CDH12: variants seen among roughly 807,000 people sequenced by gnomAD.
CDH12 encodes cadherin-12.
In CDH12, 41 loss-of-function variants were observed where a neutral mutation model predicts 74.1. The observed-to-expected ratio is 0.55, with a 90% CI of 0.43 to 0.72. The LOEUF (loss-of-function observed/expected upper bound fraction) is 0.72. CDH12 is among the 30% of genes least tolerant of loss of function. The pLI, the probability that CDH12 is intolerant of heterozygous loss-of-function variation, is 0.00. For synonymous variants in CDH12, 399 were observed against 355.0 expected (o/e 1.12, Z -1.39); for missense variants, 945 against 977.2 (o/e 0.97, Z 0.44).
intron 1 of CDH12, among the ~76,000 whole-genome samples, chr5:22,518,665 C>T (rs1010049485): frequency 1.3e-5 from 2 of 152,184 alleles, no homozygotes; most frequent in African/African-American, 4.8e-5. Context: ...GAATTCTTAG[C>T]ATGTAATATT....
intron 3 of CDH12, among the ~76,000 whole-genome samples, chr5:22,362,470 T>C (rs1198131564): frequency 6.6e-6 from 1 of 152,172 alleles, no homozygotes; most frequent in African/African-American, 2.4e-5. Flanking sequence ...GGAACACTTT[T>C]ACACTGTTGG....
At chr5:21,880,290 A>G (rs1752172103) in intron 6 of CDH12, among the ~76,000 whole-genome samples, 1 of 152,174 alleles carries the variant, frequency 6.6e-6, no homozygotes, top group African/African-American at 2.4e-5. Context: ...TGTTGCTATC[A>G]GTGTTATCTT....
At chr5:21,821,675 G>A (rs115585424) in intron 8 of CDH12, among the ~76,000 whole-genome samples, 3,204 of 151,940 alleles carry the variant, frequency 0.021, 56 homozygotes, top group Admixed American at 0.029. Context: ...TGATGAAAAT[G>A]TTAAACATTT....
At chr5:21,805,164 G>C (rs562638862) in intron 9 of CDH12, among the ~76,000 whole-genome samples, 2 of 151,970 alleles carry the variant, frequency 1.3e-5, no homozygotes, top group African/African-American at 4.8e-5. Context: ...GAATGTAAAC[G>C]TTTGTACCAA....
chr5:22,535,143 CTTTT>C (rs767048116), intron 1 of CDH12, among the ~76,000 whole-genome samples: 1 of 69,214 alleles, frequency 1.4e-5, no homozygotes, highest in Non-Finnish European at 2.9e-5. Flanking sequence ...GGCTAATTTT[CTTTT>C]TTTTTTTTTT....
chr5:22,249,151 A>G (rs542979012), intron 3 of CDH12, among the ~76,000 whole-genome samples: 10 of 152,316 alleles, frequency 6.6e-5, no homozygotes, highest in African/African-American at 2.4e-4. Flanking sequence ...TGAGAAAAAA[A>G]TGACAAAAGT....
At chr5:22,259,476 T>G (rs1376721753) in intron 3 of CDH12, among the ~76,000 whole-genome samples, 11 of 152,162 alleles carry the variant, frequency 7.2e-5, no homozygotes, top group Admixed American at 6.6e-5. Context: ...TCAAATAAGA[T>G]AGTAAAAATG....
intron 11 of CDH12, among the ~76,000 whole-genome samples, chr5:21,768,926 T>C (rs1310462518): frequency 6.6e-6 from 1 of 151,950 alleles, no homozygotes; most frequent in Non-Finnish European, 1.5e-5. Flanking sequence ...ACAGATAATA[T>C]ATTATGATGA....
At chr5:22,580,499 G>A (rs143358098) in intron 1 of CDH12, 5 of 482,034 alleles carry the variant, frequency 1.0e-5, no homozygotes, top group Non-Finnish European at 1.7e-5. Context: ...GGCTTGTAGA[G>A]AGTGAGCCGG....
chr5:22,137,761 G>A (rs534044907), intron 4 of CDH12, among the ~76,000 whole-genome samples: 84 of 152,110 alleles, frequency 5.5e-4, no homozygotes, highest in Admixed American at 1.2e-3. Flanking sequence ...GCACAAGGGC[G>A]CCATAAATAA....
intron 5 of CDH12, among the ~76,000 whole-genome samples, chr5:22,045,308 G>C (rs1042380473): frequency 6.6e-6 from 1 of 152,140 alleles, no homozygotes; most frequent in Non-Finnish European, 1.5e-5. Flanking sequence ...TGGTGAGGTA[G>C]TTGAGAAAAG....
chr5:22,036,371 T>C lies in CDH12; in HGVS notation c.231+42075A>G, dbSNP rs181080554. ...ACAATAGCAGAGCTCATTTCCAGTATGGTATGGTAATGACAACATGATGAG... is the reference window on the plus strand; with the variant it reads ...ACAATAGCAGAGCTCATTTCCAGTACGGTATGGTAATGACAACATGATGAG... On this transcript the variant is annotated intron_variant, in intron 5 of 14. Transcript: ENST00000382254. 3.5e-4 allele frequency among the ~76,000 whole-genome samples: 54 copies of C among 152,288 alleles called. No individual in the cohort carries two copies. The East Asian group carries it at 0.01, about 29-fold the overall frequency.
At chr5:21,844,385 C>T (rs1750043544) in intron 7 of CDH12, among the ~76,000 whole-genome samples, 2 of 151,872 alleles carry the variant, frequency 1.3e-5, no homozygotes, top group South Asian at 4.1e-4. Flanking sequence ...ATTATTTTTC[C>T]TCTGGAACAG....
At chr5:22,843,382 G>T (rs1033358879) in intron 1 of CDH12, among the ~76,000 whole-genome samples, 2 of 152,108 alleles carry the variant, frequency 1.3e-5, no homozygotes, top group Non-Finnish European at 2.9e-5. Context: ...AAACACAGAA[G>T]AATTCACTAT....
intron 1 of CDH12, among the ~76,000 whole-genome samples, chr5:22,834,506 AG>A (rs1736743947): frequency 1.3e-5 from 2 of 152,282 alleles, no homozygotes; most frequent in African/African-American, 4.8e-5. Flanking sequence ...ATTTTAAAAC[AG>A]GTGTAGTTTA....
At position 21,790,419 on chromosome 5, in the gene CDH12, C is replaced by G. The variant is rs559197841; in HGVS notation, c.1257-6925G>C. 7.2e-5 allele frequency among the ~76,000 whole-genome samples: 11 copies of G among 152,082 alleles called. No individual in the cohort carries two copies. The East Asian group carries it at 1.5e-3, about 21-fold the overall frequency. On this transcript the variant is annotated intron_variant, in intron 10 of 14. Coordinates refer to ENST00000382254, the MANE Select transcript of CDH12 (RefSeq NM_004061.5). The stretch of plus-strand genomic sequence containing the variant: ...TATTTAATTTTTTAGTTCATTCAGC[C>G]TAATGCTGAAGTAGAATTTGCAATA...
At chr5:22,329,787 T>C (rs114954249) in intron 3 of CDH12, among the ~76,000 whole-genome samples, 1,657 of 152,262 alleles carry the variant, frequency 0.011, 35 homozygotes, top group African/African-American at 0.038. Context: ...CGCCCACACA[T>C]GGAGGGAGCA....
At chr5:21,819,819 C>T (rs936146937) in intron 8 of CDH12, among the ~76,000 whole-genome samples, 1 of 151,820 alleles carries the variant, frequency 6.6e-6, no homozygotes. Flanking sequence ...TCATAAGGAG[C>T]GGAGTAGTAT....
intron 5 of CDH12, among the ~76,000 whole-genome samples, chr5:22,056,780 T>A (rs1561064111): frequency 6.6e-6 from 1 of 152,204 alleles, no homozygotes; most frequent in African/African-American, 2.4e-5. Context: ...GTAATCCCCA[T>A]GATAACCTTA....
Sources: gnomAD v4.1 joint callset for allele counts (sites outside exome capture counted in the v4.1 genomes callset) on GRCh38, gnomAD v4.1.1 for gene constraint, MANE v1.5 for transcripts, NCBI Gene and HGNC (gene_info 2026-07-23, HGNC 2026-07-21) for gene names.